The following HSF5 variants were observed in gnomAD, a reference collection of about 807,000 sequenced individuals.
The protein encoded by HSF5 is heat shock transcription factor 5, also known as heat shock factor protein 5.
Under a neutral mutation model 50.8 loss-of-function variants are expected in HSF5, and 5 were observed. The ratio of observed to expected loss-of-function variants is 0.10; its 90% CI spans 0.05 to 0.21. The LOEUF is 0.21. Ranked by LOEUF, HSF5 falls within the 10% of genes least tolerant of loss-of-function variation. HSF5 has a pLI of 1.00. For missense variants in HSF5, 564 were observed against 762.6 expected (o/e 0.74, Z 3.07); for synonymous variants, 307 against 307.4 (o/e 1.00, Z 0.02).
chr17:58,473,591 G>T lies in HSF5; in HGVS notation c.925+6302C>A, dbSNP rs537628886. ...GAATAAAAAGAGTCAACTAATGCTG[G>T]ATCTACAAAATCTTGCCTTTGAAGA... On this transcript the variant is annotated intron_variant, in intron 2 of 5. Transcript: ENST00000323777. Among the ~76,000 whole-genome samples the T allele has an allele frequency of 3.3e-5, 5 of 152,160 alleles. No homozygotes were observed. The South Asian group carries it at 1.0e-3, about 32-fold the overall frequency.
At chr17:58,485,724 G>A (rs1975161101) in intron 1 of HSF5, among the ~76,000 whole-genome samples, 1 of 149,536 alleles carries the variant, frequency 6.7e-6, no homozygotes, top group Non-Finnish European at 1.5e-5. Flanking sequence ...TCCAGCCTGG[G>A]GGACAGAGTG....
intron 1 of HSF5, among the ~76,000 whole-genome samples, chr17:58,480,762 G>GCTATCTATCCATCTAT (rs1555644438): frequency 2.0e-5 from 3 of 146,374 alleles, no homozygotes; most frequent in African/African-American, 7.6e-5. Flanking sequence ...AACGCTCTTT[G>GCTATCTATCCATCTAT]CTATCTATCT....
At chr17:58,439,425 A>G (rs1356275823) in intron 5 of HSF5, among the ~76,000 whole-genome samples, 1 of 152,172 alleles carries the variant, frequency 6.6e-6, no homozygotes, top group Non-Finnish European at 1.5e-5. Context: ...ATAAAAGAAC[A>G]GCAAGTTCCC....
At chr17:58,442,377 T>C (rs997768331) in intron 5 of HSF5, among the ~76,000 whole-genome samples, 9 of 152,344 alleles carry the variant, frequency 5.9e-5, no homozygotes, top group Middle Eastern at 6.8e-3. Flanking sequence ...CAGTACAGTG[T>C]TGAAGATAAG....
chr17:58,460,571 G>A (rs1027733035), intron 4 of HSF5, among the ~76,000 whole-genome samples: 4 of 150,524 alleles, frequency 2.7e-5, no homozygotes, highest in East Asian at 2.0e-4. Flanking sequence ...GTGCAGTGGC[G>A]CGATCTCAGC....
At chr17:58,424,277 T>C (rs1420794319) in intron 5 of HSF5, among the ~76,000 whole-genome samples, 2 of 152,094 alleles carry the variant, frequency 1.3e-5, no homozygotes, top group Non-Finnish European at 2.9e-5. Context: ...ATAAACAAAA[T>C]GTGGTATACA....
chr17:58,436,755 AT>A (rs1974431731), intron 5 of HSF5, among the ~76,000 whole-genome samples: 1 of 152,130 alleles, frequency 6.6e-6, no homozygotes, highest in East Asian at 1.9e-4. Flanking sequence ...ACATCAAAAA[AT>A]AGAAGAGATA....
intron 2 of HSF5, among the ~76,000 whole-genome samples, chr17:58,471,899 G>A (rs1974949735): frequency 6.6e-6 from 1 of 152,106 alleles, no homozygotes; most frequent in African/African-American, 2.4e-5. Flanking sequence ...TGTTGCCGAG[G>A]CGGGAGTGCA....
chr17:58,424,692 G>A (rs192346888), intron 5 of HSF5, among the ~76,000 whole-genome samples: 31 of 151,752 alleles, frequency 2.0e-4, no homozygotes, highest in African/African-American at 6.8e-4. Context: ...AGGCTGAGGC[G>A]GAAGGATTGC....
At chr17:58,452,646 C>T (rs191217665) in intron 5 of HSF5, among the ~76,000 whole-genome samples, 18 of 152,230 alleles carry the variant, frequency 1.2e-4, no homozygotes, top group African/African-American at 4.3e-4. Context: ...TTCATTCCTA[C>T]AAAAAATTTA....
At position 58,481,644 on chromosome 17, in the gene HSF5, T is replaced by C. The variant is rs143090048; in HGVS notation, c.551-1377A>G. 5.8e-3 allele frequency among the ~76,000 whole-genome samples: 880 copies of C among 152,370 alleles called. 5 individuals carry two copies. The highest frequency in any genetic ancestry group is 9.3e-3 in the African/African-American group (386 of 41,584). On this transcript the variant is annotated intron_variant, in intron 1 of 5. Coordinates refer to ENST00000323777, the MANE Select transcript of HSF5 (RefSeq NM_001080439.3). ...ATATCTGCTTTTCCAAATAATTAGA[T>C]TGTAAACCCATTCAACAAGTTACAT...
chr17:58,458,055 C>T (rs1478379129), intron 5 of HSF5, among the ~76,000 whole-genome samples: 1 of 152,202 alleles, frequency 6.6e-6, no homozygotes, highest in African/African-American at 2.4e-5. Context: ...TTTTAACCTA[C>T]ACTGTCATTC....
intron 5 of HSF5, among the ~76,000 whole-genome samples, chr17:58,457,339 C>A (rs888846549): frequency 1.3e-5 from 2 of 151,222 alleles, no homozygotes; most frequent in African/African-American, 4.9e-5. Context: ...TGGCTCATGC[C>A]TGTAATCCCA....
At chr17:58,447,914 C>T (rs1022808567) in intron 5 of HSF5, among the ~76,000 whole-genome samples, 24 of 151,944 alleles carry the variant, frequency 1.6e-4, no homozygotes, top group African/African-American at 4.8e-5. Context: ...CTTGGGAGGC[C>T]GAGGCAGGCA....
At chr17:58,429,839 C>A in intron 5 of HSF5, among the ~76,000 whole-genome samples, 1 of 111,932 alleles carries the variant, frequency 8.9e-6, no homozygotes, top group Non-Finnish European at 2.0e-5. Flanking sequence ...AAGCAAGACT[C>A]TGTAAAAAAA....
At chr17:58,460,256 C>T (rs1209490758) in intron 4 of HSF5, among the ~76,000 whole-genome samples, 2 of 152,046 alleles carry the variant, frequency 1.3e-5, no homozygotes, top group East Asian at 1.9e-4. Context: ...TGGGTTCAAG[C>T]GATCCTCCCA....
At chr17:58,480,637 T>C (rs995419875) in intron 1 of HSF5, among the ~76,000 whole-genome samples, 1 of 152,198 alleles carries the variant, frequency 6.6e-6, no homozygotes, top group African/African-American at 2.4e-5. Context: ...CCTAAAAGTT[T>C]TCCATTCAGT....
At chr17:58,449,329 CAT>C (rs1355234165) in intron 5 of HSF5, among the ~76,000 whole-genome samples, 2 of 152,200 alleles carry the variant, frequency 1.3e-5, no homozygotes, top group East Asian at 1.9e-4. Context: ...AATTAAAAGA[CAT>C]AGAGTGGCTG....
intron 3 of HSF5, 125 bp from the exon 4 acceptor site, chr17:58,463,428 A>C: frequency 1.4e-6 from 1 of 735,102 alleles, no homozygotes; most frequent in Non-Finnish European, 2.2e-6. Flanking sequence ...TCACTAAGAA[A>C]ACCTAGACAC....
Sources: gnomAD v4.1 joint callset for allele counts (sites outside exome capture counted in the v4.1 genomes callset) on GRCh38, gnomAD v4.1.1 for gene constraint, MANE v1.5 for transcripts, NCBI Gene and HGNC (gene_info 2026-07-23, HGNC 2026-07-21) for gene names.